TATDN2: variants seen among roughly 807,000 people sequenced by gnomAD.
TATDN2 encodes the protein 3'-5' RNA nuclease TATDN2.
TATDN2 carries 44 observed loss-of-function variants against 60.3 expected under a neutral mutation model. The ratio of observed to expected loss-of-function variants is 0.73; its 90% CI spans 0.57 to 0.94. TATDN2 has a LOEUF of 0.94. Ranked by LOEUF, TATDN2 falls within the 40% of genes least tolerant of loss-of-function variation. The probability of loss-of-function intolerance (pLI) is 0.00; values close to 1 mark genes in which losing one functional copy is unlikely to be tolerated. For missense variants in TATDN2, 997 were observed against 948.0 expected (o/e 1.05, Z -0.68); for synonymous variants, 399 against 355.8 (o/e 1.12, Z -1.37).
In TATDN2 at chr3:10,260,624, C is replaced by G; in HGVS notation, c.902C>G (p.Pro301Arg). The change falls in exon 3 of 8, where the codon CCC becomes CGC. Residue 301 changes from proline (P) to arginine (R), a missense_variant. Pro to Arg is a moderately radical substitution (Grantham distance 103). Transcript: ENST00000448281. ...RRTVIDKCSP[P>R]LEFLDDSDSH... ...ACTGTCATTGACAAATGCTCTCCACCCCTAGAGTTCTTGGATGACTCTGAC... is the reference window on the plus strand; with the variant it reads ...ACTGTCATTGACAAATGCTCTCCACGCCTAGAGTTCTTGGATGACTCTGAC... The G allele has an allele frequency of 6.2e-7, 1 of 1,614,112 alleles. No homozygotes were observed. Among genetic ancestry groups the G allele is most frequent in the Non-Finnish European group, 8.5e-7 (1 of 1,180,002 alleles).
rs78091987 is a variant in TATDN2, at chr3:10,252,476, A to G, written c.414+2862A>G. ...GTTTGTCAGTTTAAAAACCAAGTGT[A>G]CAGTACTTGACTCATCTTGATGAAT... On this transcript the variant is annotated intron_variant, in intron 2 of 7. Transcript: ENST00000448281. Among the ~76,000 whole-genome samples the G allele has an allele frequency of 8.1e-3, 1,229 of 152,302 alleles. 84 individuals carry two copies. In the East Asian group the frequency reaches 0.17, roughly 22 times the overall value.
chr3:10,280,598 C>T lies in TATDN2; in HGVS notation c.*1416C>T, dbSNP rs147622780. 1.3e-5 allele frequency: 2 copies of T among 153,814 alleles called. No individual in the cohort carries two copies. Among genetic ancestry groups the T allele is most frequent in the East Asian group, 3.9e-4 (2 of 5,192 alleles). 9.5% of individuals were successfully genotyped at this position (153,814 alleles called of 1,614,324 possible). On this transcript the variant is annotated 3_prime_UTR_variant, in exon 8 of 8. Transcript: ENST00000448281. ...AATTCCTCTAGGTGTTTTTGGAAGG[C>T]GCATTTGAGCCTTGTGAGCTAAAAT...
intron 2 of TATDN2, among the ~76,000 whole-genome samples, chr3:10,252,935 C>A (rs1698253393): frequency 6.7e-6 from 1 of 149,576 alleles, no homozygotes; most frequent in Admixed American, 6.7e-5. Context: ...CGGCTCACTG[C>A]AAGCTCCGCC....
chr3:10,280,595 A>G lies in TATDN2; in HGVS notation c.*1413A>G, dbSNP rs1308173063. 6.5e-6 allele frequency: 1 copy of G among 153,776 alleles called. No homozygotes were observed. The highest frequency in any genetic ancestry group is 1.5e-5 in the Non-Finnish European group (1 of 68,058). 9.5% of individuals were successfully genotyped at this position (153,776 alleles called of 1,614,324 possible). A position where few individuals can be genotyped will look rare whatever the true frequency, so the allele number is the denominator to read the frequency against. ...CTAAATTCCTCTAGGTGTTTTTGGA[A>G]GGCGCATTTGAGCCTTGTGAGCTAA... On this transcript the variant is annotated 3_prime_UTR_variant, in exon 8 of 8. Coordinates refer to ENST00000448281, the MANE Select transcript of TATDN2 (RefSeq NM_014760.4).
chr3:10,278,580 C>A lies in TATDN2; in HGVS notation c.2145+118C>A. 1.5e-6 allele frequency: 2 copies of A among 1,355,428 alleles called. No homozygotes were observed. Among genetic ancestry groups the A allele is most frequent in the Non-Finnish European group, 2.1e-6 (2 of 954,302 alleles). 84.0% of individuals were successfully genotyped at this position (1,355,428 alleles called of 1,614,324 possible). A position where few individuals can be genotyped will look rare whatever the true frequency, so the allele number is the denominator to read the frequency against. On this transcript the variant is annotated intron_variant, in intron 6 of 7. Coordinates refer to ENST00000448281, the MANE Select transcript of TATDN2 (RefSeq NM_014760.4). The surrounding 1 kb of genome is among the most constrained non-coding windows in gnomAD (Gnocchi z 4.7). ...AGTGACTTCCAGGTCCCATCCTGGGCTGTGTAGATGCCTCCTTGCTGTTAC... is the reference window on the plus strand; with the variant it reads ...AGTGACTTCCAGGTCCCATCCTGGGATGTGTAGATGCCTCCTTGCTGTTAC...
chr3:10,270,874 C>T lies in TATDN2; in HGVS notation c.1692C>T (p.His564=), dbSNP rs542901768. 2.9e-5 allele frequency: 47 copies of T among 1,614,160 alleles called. No homozygotes were observed. Among genetic ancestry groups the T allele is most frequent in the Non-Finnish European group, 4.0e-5 (47 of 1,180,034 alleles). ...TGGTCTGGGGGGCCTTTGGCTGTCACCCTCATTTTGCACGTTACTACAGTG... is the reference window on the plus strand; with the variant it reads ...TGGTCTGGGGGGCCTTTGGCTGTCATCCTCATTTTGCACGTTACTACAGTG... The part of the protein sequence containing the change: ...EDLVWGAFGC[H]PHFARYYSES... The change falls in exon 4 of 8, where the codon CAC becomes CAT. Residue 564 remains histidine, a synonymous_variant. Coordinates refer to ENST00000448281, the MANE Select transcript of TATDN2 (RefSeq NM_014760.4).
chr3:10,256,748 G>A (rs1220796795), intron 2 of TATDN2, among the ~76,000 whole-genome samples: 3 of 151,966 alleles, frequency 2.0e-5, no homozygotes, highest in Non-Finnish European at 2.9e-5. Flanking sequence ...TGGCTACAGC[G>A]GGAGCAGAGG....
Position 10,272,665 on chromosome 3 carries a change from G to A in TATDN2, c.1833+1650G>A, listed in dbSNP as rs936369408. On this transcript the variant is annotated intron_variant, in intron 4 of 7. Transcript: ENST00000448281. ...AGTATTTTGGGAGGCCGAGGCAGGCGGATCACCTGAGGCCAGGAGTTGGAG... is the reference window on the plus strand; with the variant it reads ...AGTATTTTGGGAGGCCGAGGCAGGCAGATCACCTGAGGCCAGGAGTTGGAG... Among the ~76,000 whole-genome samples the A allele has an allele frequency of 3.9e-5, 6 of 152,128 alleles. No individual in the cohort carries two copies. The South Asian group carries it at 6.2e-4, about 16-fold the overall frequency.
chr3:10,249,891 A>G (rs1475974491), intron 2 of TATDN2, among the ~76,000 whole-genome samples: 1 of 152,270 alleles, frequency 6.6e-6, no homozygotes, highest in African/African-American at 2.4e-5. Context: ...CTCCAGAGAA[A>G]CTGATTTATT....
chr3:10,255,026 TC>T (rs576401592), intron 2 of TATDN2, among the ~76,000 whole-genome samples: 1 of 13,672 alleles, frequency 7.3e-5, no homozygotes, highest in African/African-American at 3.4e-4. Context: ...CCCCTCCCCC[TC>T]CCCCTCCCTC....
chr3:10,260,483 C>T lies in TATDN2; in HGVS notation c.761C>T (p.Pro254Leu), dbSNP rs768051337. ...GCTCAGAAGGAGAAAGACGCAACCC[C>T]AGAGGTCAGCATGGAGGAGGATAAG... ...TAAQKEKDAT[P>L]EVSMEEDKTV... The change falls in exon 3 of 8, where the codon CCA (proline) becomes CTA (leucine). Residue 254 changes from proline (P) to leucine (L), a missense_variant. Transcript: ENST00000448281. 1.2e-6 allele frequency: 2 copies of T among 1,614,004 alleles called. No homozygotes were observed. Among genetic ancestry groups the T allele is most frequent in the Non-Finnish European group, 1.7e-6 (2 of 1,179,904 alleles).
chr3:10,276,248 T>C, intron 4 of TATDN2, 113 bp from the exon 5 acceptor site: 1 of 1,308,060 alleles, frequency 7.6e-7, no homozygotes, highest in East Asian at 2.4e-5. Context: ...TATTACATTA[T>C]ATAGTTAAAA....
chr3:10,276,988 G>A (rs1037420037), intron 5 of TATDN2, among the ~76,000 whole-genome samples: 22 of 146,610 alleles, frequency 1.5e-4, no homozygotes, highest in Admixed American at 2.0e-4. Flanking sequence ...TAGTAACTTC[G>A]TATGGTTTGA....
At chr3:10,250,883 C>T (rs920776873) in intron 2 of TATDN2, among the ~76,000 whole-genome samples, 1 of 152,108 alleles carries the variant, frequency 6.6e-6, no homozygotes, top group Non-Finnish European at 1.5e-5. Context: ...TAAAATAATA[C>T]CAGTTGATTC....
At chr3:10,267,224 A>G (rs1437682571) in intron 3 of TATDN2, among the ~76,000 whole-genome samples, 1 of 151,502 alleles carries the variant, frequency 6.6e-6, no homozygotes, top group Non-Finnish European at 1.5e-5. Flanking sequence ...CCCGGCTGAG[A>G]CAGTCTTGAA....
intron 2 of TATDN2, among the ~76,000 whole-genome samples, chr3:10,257,841 A>ACTTTTTTTTTTTTTTTT (rs1698334866): frequency 3.3e-5 from 1 of 30,260 alleles, no homozygotes; most frequent in Non-Finnish European, 7.0e-5. Context: ...AAGGTTTATG[A>ACTTTTTTTTTTTTTTTT]TTTTTTTTTT....
At chr3:10,255,256 T>C (rs974322179) in intron 2 of TATDN2, among the ~76,000 whole-genome samples, 1 of 152,022 alleles carries the variant, frequency 6.6e-6, no homozygotes, top group Admixed American at 6.6e-5. Context: ...TCGAGTGATC[T>C]GCCTGCCTCA....
At position 10,249,507 on chromosome 3, in the gene TATDN2, A is replaced by C. The variant is rs1218635115; in HGVS notation, c.307A>C (p.Ile103Leu). The change falls in exon 2 of 8, where the codon ATT becomes CTT. Residue 103 changes from isoleucine to leucine, a missense_variant. Ile to Leu is a conservative substitution (Grantham distance 5, BLOSUM62 2). Transcript: ENST00000448281. ...CGGGGCCGCCTCCAAAGGCTGCCTG[A>C]TTCGGAACACTCGGGGGTTCCTGTC... Reference protein sequence around the residue: ...VGGAASKGCLIRNTRGFLSSG... With the variant: ...VGGAASKGCLLRNTRGFLSSG... 3 of 1,610,530 alleles carry C rather than the reference A, an allele frequency of 1.9e-6. No individual in the cohort carries two copies. Among genetic ancestry groups the C allele is most frequent in the Admixed American group, 1.7e-5 (1 of 59,418 alleles).
rs1559465859 is a variant in TATDN2, at chr3:10,279,447, G to T, written c.*265G>T. 5.6e-6 allele frequency: 1 copy of T among 177,822 alleles called. No homozygotes were observed. Among genetic ancestry groups the T allele is most frequent in the Non-Finnish European group, 1.2e-5 (1 of 83,714 alleles). 11.0% of individuals were successfully genotyped at this position (177,822 alleles called of 1,614,324 possible). On this transcript the variant is annotated 3_prime_UTR_variant, in exon 8 of 8. Coordinates refer to ENST00000448281, the MANE Select transcript of TATDN2 (RefSeq NM_014760.4). ...TGGGATTTTGCCTCCCAGCCAAAATGCTCCAGGGTAGGCAGCAAAGAAGAA... is the reference window on the plus strand; with the variant it reads ...TGGGATTTTGCCTCCCAGCCAAAATTCTCCAGGGTAGGCAGCAAAGAAGAA...
Sources: allele counts gnomAD v4.1 joint callset (sites outside exome capture counted in the v4.1 genomes callset), GRCh38; gene constraint gnomAD v4.1.1; non-coding constraint Gnocchi (gnomAD v3.1); transcripts MANE v1.5; gene names NCBI Gene and HGNC (gene_info 2026-07-23, HGNC 2026-07-21).